ZDHHC14: variants seen among roughly 807,000 people sequenced by gnomAD.
ZDHHC14 encodes palmitoyltransferase ZDHHC14.
A neutral mutation model predicts 47.7 loss-of-function variants in ZDHHC14; 16 were observed. That is an observed-to-expected ratio of 0.34 (90% confidence interval 0.23 to 0.51). The LOEUF is 0.51. Among genes scored for constraint, ZDHHC14 ranks in the 20% least tolerant of loss-of-function variants. The pLI, the probability that ZDHHC14 is intolerant of heterozygous loss-of-function variation, is 0.97. For synonymous variants in ZDHHC14, 293 were observed against 278.9 expected (o/e 1.05, Z -0.50); for missense variants, 515 against 662.5 (o/e 0.78, Z 2.44).
At chr6:157,418,374 A>G (rs1168473131) in intron 1 of ZDHHC14, among the ~76,000 whole-genome samples, 1 of 152,246 alleles carries the variant, frequency 6.6e-6, no homozygotes, top group African/African-American at 2.4e-5. Context: ...GAACCAATTT[A>G]TACTCCTACA....
At chr6:157,431,373 T>G (rs1268911896) in intron 1 of ZDHHC14, among the ~76,000 whole-genome samples, 2 of 152,178 alleles carry the variant, frequency 1.3e-5, no homozygotes, top group African/African-American at 4.8e-5. Flanking sequence ...GAATCTTTCT[T>G]TGTTGGGCTA....
intron 1 of ZDHHC14, among the ~76,000 whole-genome samples, chr6:157,397,077 T>C (rs1230910547): frequency 6.6e-6 from 1 of 152,220 alleles, no homozygotes; most frequent in Non-Finnish European, 1.5e-5. Context: ...TCTTGACTCT[T>C]ATGTGAAATT....
intron 3 of ZDHHC14, among the ~76,000 whole-genome samples, chr6:157,599,136 A>C (rs1784241029): frequency 6.6e-6 from 1 of 152,250 alleles, no homozygotes; most frequent in South Asian, 2.1e-4. Flanking sequence ...CATGCCATTC[A>C]GAATTCTACA....
intron 8 of ZDHHC14, among the ~76,000 whole-genome samples, chr6:157,670,456 G>C (rs555383177): frequency 1.3e-5 from 2 of 152,120 alleles, no homozygotes; most frequent in African/African-American, 4.8e-5. Context: ...ACCATGCCCA[G>C]CTAATTTTTG....
chr6:157,610,156 AC>A (rs1364883799), intron 3 of ZDHHC14, among the ~76,000 whole-genome samples: 2 of 152,206 alleles, frequency 1.3e-5, no homozygotes, highest in Admixed American at 6.5e-5. Flanking sequence ...TCAAGAATCT[AC>A]ACCTGGGCTG....
chr6:157,528,389 C>T (rs894632050), intron 1 of ZDHHC14, among the ~76,000 whole-genome samples: 1 of 152,054 alleles, frequency 6.6e-6, no homozygotes, highest in African/African-American at 2.4e-5. Flanking sequence ...TGGAAAAGCA[C>T]AAGTAGATGA....
chr6:157,597,289 C>T (rs1018127042), intron 3 of ZDHHC14, among the ~76,000 whole-genome samples: 5 of 152,168 alleles, frequency 3.3e-5, no homozygotes, highest in African/African-American at 9.7e-5. Flanking sequence ...GAGACCCTCT[C>T]GGGCTCACTA....
intron 5 of ZDHHC14, among the ~76,000 whole-genome samples, chr6:157,642,430 C>T (rs894716889): frequency 1.3e-5 from 2 of 152,168 alleles, no homozygotes; most frequent in African/African-American, 2.4e-5. Flanking sequence ...GGCAGGAACT[C>T]GAGAGAAGGG....
At chr6:157,605,157 A>G (rs1227565774) in intron 3 of ZDHHC14, among the ~76,000 whole-genome samples, 2 of 152,248 alleles carry the variant, frequency 1.3e-5, no homozygotes, top group African/African-American at 2.4e-5. Context: ...TGAAAGCTTA[A>G]TATGTGTTTG....
At chr6:157,657,940 C>T (rs1190626410) in intron 8 of ZDHHC14, among the ~76,000 whole-genome samples, 1 of 152,212 alleles carries the variant, frequency 6.6e-6, no homozygotes, top group African/African-American at 2.4e-5. Context: ...TGCTTAACCT[C>T]TCTCTGCCTC....
At chr6:157,426,552 G>T (rs961295884) in intron 1 of ZDHHC14, among the ~76,000 whole-genome samples, 3 of 152,116 alleles carry the variant, frequency 2.0e-5, no homozygotes, top group Non-Finnish European at 4.4e-5. Flanking sequence ...GCACCAGCTC[G>T]CAGGATGTGT....
intron 5 of ZDHHC14, among the ~76,000 whole-genome samples, chr6:157,639,944 A>G (rs1046579951): frequency 6.6e-6 from 1 of 152,212 alleles, no homozygotes; most frequent in South Asian, 2.1e-4. Context: ...AGTTGCCTGC[A>G]TGTAATGTGG....
chr6:157,530,807 A>T (rs1486040415), intron 1 of ZDHHC14, among the ~76,000 whole-genome samples: 2 of 152,126 alleles, frequency 1.3e-5, no homozygotes, highest in Non-Finnish European at 2.9e-5. Context: ...TTCTGCACTC[A>T]CATGTGTCTC....
chr6:157,572,208 A>G (rs1326785792), intron 2 of ZDHHC14, among the ~76,000 whole-genome samples: 4 of 152,020 alleles, frequency 2.6e-5, no homozygotes, highest in African/African-American at 7.2e-5. Flanking sequence ...ACATTGTAGG[A>G]CATTTAGCAA....
chr6:157,477,469 C>G, intron 1 of ZDHHC14, among the ~76,000 whole-genome samples: 1 of 152,150 alleles, frequency 6.6e-6, no homozygotes, highest in East Asian at 1.9e-4. Flanking sequence ...CAAGATTTCA[C>G]CAAAAAACTG....
intron 5 of ZDHHC14, 55 bp from the exon 6 acceptor site, chr6:157,645,682 A>C: frequency 2.1e-6 from 3 of 1,457,362 alleles, no homozygotes; most frequent in Non-Finnish European, 2.9e-6. Flanking sequence ...GGCCTCCATC[A>C]CATCCACTTC....
chr6:157,592,463 G>C (rs1475931627), intron 2 of ZDHHC14, among the ~76,000 whole-genome samples: 3 of 152,168 alleles, frequency 2.0e-5, no homozygotes, highest in African/African-American at 4.8e-5. Flanking sequence ...GCTGGATTTG[G>C]AGTCCAGCAT....
chr6:157,516,914 A>G (rs1780712933), intron 1 of ZDHHC14, among the ~76,000 whole-genome samples: 1 of 152,124 alleles, frequency 6.6e-6, no homozygotes, highest in African/African-American at 2.4e-5. Flanking sequence ...ACACCAAAAC[A>G]TGGTGGTGCC....
rs561046656 is a variant in ZDHHC14, at chr6:157,457,454, A to G, written c.245+75188A>G. On this transcript the variant is annotated intron_variant, in intron 1 of 8. Transcript: ENST00000359775. ...AAGAATTCTGGAGAACTATCCTATCATGTTTTAAAACGGACAATAAAGCCT... is the reference window on the plus strand; with the variant it reads ...AAGAATTCTGGAGAACTATCCTATCGTGTTTTAAAACGGACAATAAAGCCT... Among the ~76,000 whole-genome samples, 7 of 152,310 alleles carry G rather than the reference A, an allele frequency of 4.6e-5. No homozygotes were observed. In the South Asian group the frequency reaches 1.5e-3, roughly 32 times the overall value.
Sources: gnomAD v4.1 joint callset for allele counts (sites outside exome capture counted in the v4.1 genomes callset) on GRCh38, gnomAD v4.1.1 for gene constraint, MANE v1.5 for transcripts, NCBI Gene and HGNC (gene_info 2026-07-23, HGNC 2026-07-21) for gene names.